ANKRD33B: variants seen among roughly 807,000 people sequenced by gnomAD.
The protein encoded by ANKRD33B is ankyrin repeat domain-containing protein 33B.
ANKRD33B carries 6 observed loss-of-function variants against 21.5 expected under a neutral mutation model. The ratio of observed to expected loss-of-function variants is 0.28; its 90% confidence interval spans 0.15 to 0.55. The LOEUF is 0.55. Ranked by LOEUF, ANKRD33B falls within the 20% of genes least tolerant of loss-of-function variation. The pLI is 0.94. For missense variants in ANKRD33B, 698 were observed against 747.2 expected, an observed-to-expected ratio of 0.93 and a Z score of 0.77; for synonymous variants, 347 against 342.4, an observed-to-expected ratio of 1.01 and a Z score of -0.15.
intron 1 of ANKRD33B, among the ~76,000 whole-genome samples, chr5:10,618,053 T>C (rs1252219455): frequency 6.6e-6 from 1 of 152,218 alleles, no homozygotes; most frequent in African/African-American, 2.4e-5. Flanking sequence ...GTTGGTGTGT[T>C]TCCCTCCCTG....
intron 1 of ANKRD33B, among the ~76,000 whole-genome samples, chr5:10,591,261 G>A (rs1208034333): frequency 7.1e-6 from 1 of 141,642 alleles, no homozygotes; most frequent in African/African-American, 2.6e-5. Context: ...GGCACCATGT[G>A]GGCTCCCTGC....
At chr5:10,637,540 C>A (rs988785252) in intron 2 of ANKRD33B, among the ~76,000 whole-genome samples, 2 of 151,118 alleles carry the variant, frequency 1.3e-5, no homozygotes, top group Non-Finnish European at 1.5e-5. Flanking sequence ...AGGGTGCCAG[C>A]GTGAATTGGC....
chr5:10,633,762 G>A (rs1341759029), intron 2 of ANKRD33B, among the ~76,000 whole-genome samples: 1 of 152,186 alleles, frequency 6.6e-6, no homozygotes, highest in African/African-American at 2.4e-5. Flanking sequence ...GTACATTGCA[G>A]AATGTTCCTT....
At chr5:10,621,471 A>C (rs1322882472) in intron 2 of ANKRD33B, among the ~76,000 whole-genome samples, 1 of 152,240 alleles carries the variant, frequency 6.6e-6, no homozygotes, top group Non-Finnish European at 1.5e-5. Flanking sequence ...TGTCGGCAAG[A>C]AACCTGGTTT....
chr5:10,593,215 A>G (rs917727324), intron 1 of ANKRD33B, among the ~76,000 whole-genome samples: 2 of 151,596 alleles, frequency 1.3e-5, no homozygotes, highest in Non-Finnish European at 2.9e-5. Context: ...TAGTTGAGTC[A>G]ACTGGCATAA....
intron 1 of ANKRD33B, among the ~76,000 whole-genome samples, chr5:10,592,458 A>AG (rs1735716757): frequency 1.4e-5 from 2 of 147,380 alleles, no homozygotes; most frequent in Non-Finnish European, 3.0e-5. Context: ...ACTAAAAAAA[A>AG]AAAAAAAAAA....
chr5:10,592,450 TAAAAAAAAAAAA>T (rs35660672), intron 1 of ANKRD33B, among the ~76,000 whole-genome samples: 1 of 69,114 alleles, frequency 1.4e-5, no homozygotes, highest in African/African-American at 6.2e-5. Context: ...CCATCTCTAC[TAAAAAAAAAAAA>T]AAAAAAAAAA....
At position 10,564,578 on chromosome 5, in the gene ANKRD33B, C is replaced by T. The variant is rs1735003124; in HGVS notation, c.111C>T (p.Tyr37=). Residue 37 remains tyrosine, a synonymous_variant, in exon 1 of 4, where the codon TAC becomes TAT. Coordinates refer to ENST00000296657, the MANE Select transcript of ANKRD33B (RefSeq NM_001164440.2). ...AGGTCGAGGAGGACCCCGCTGACTACGAAGAGTTTGAGGACTTCTCGAGTC... is the reference window on the plus strand; with the variant it reads ...AGGTCGAGGAGGACCCCGCTGACTATGAAGAGTTTGAGGACTTCTCGAGTC... ...GAQVEEDPAD[Y]EEFEDFSSLP... is the part of the protein sequence containing the mutation. The T allele has an allele frequency of 6.5e-7, 1 of 1,534,528 alleles. No individual in the cohort carries two copies. Among genetic ancestry groups the T allele is most frequent in the Non-Finnish European group, 8.7e-7 (1 of 1,146,554 alleles).
chr5:10,605,755 C>A (rs972082531), intron 1 of ANKRD33B, among the ~76,000 whole-genome samples: 3 of 152,152 alleles, frequency 2.0e-5, no homozygotes, highest in Admixed American at 6.5e-5. Flanking sequence ...TCTCGAACAT[C>A]TGACCTCAGG....
rs1412576435 is a variant in ANKRD33B, at chr5:10,652,389, C to A, written c.*2276C>A. The A allele has an allele frequency of 6.6e-6, 1 of 152,476 alleles. No homozygotes were observed. The highest frequency in any genetic ancestry group is 1.5e-5 in the Non-Finnish European group (1 of 68,140). 9.4% of individuals were successfully genotyped at this position (152,476 alleles called of 1,614,324 possible). On this transcript the variant is annotated 3_prime_UTR_variant, in exon 4 of 4. Coordinates refer to ENST00000296657, the MANE Select transcript of ANKRD33B (RefSeq NM_001164440.2). The surrounding 1 kb of genome is among the most constrained non-coding windows in gnomAD (Gnocchi z 4.1). ...GCGAGAGGACACCCATTCTGAGCTC[C>A]CACAGAGGGCTCCACCTCCCCAAGA...
At chr5:10,603,318 A>G (rs1225401379) in intron 1 of ANKRD33B, among the ~76,000 whole-genome samples, 1 of 151,976 alleles carries the variant, frequency 6.6e-6, no homozygotes, top group African/African-American at 2.4e-5. Context: ...GCTGGAGTGC[A>G]GTGGAGTGAT....
intron 1 of ANKRD33B, among the ~76,000 whole-genome samples, chr5:10,566,198 C>G (rs1300969943): frequency 6.6e-6 from 1 of 152,174 alleles, no homozygotes; most frequent in African/African-American, 2.4e-5. Flanking sequence ...GGCAGTGAGA[C>G]CTGAGGTGGC....
chr5:10,588,936 C>G (rs181856961), intron 1 of ANKRD33B, among the ~76,000 whole-genome samples: 1 of 152,290 alleles, frequency 6.6e-6, no homozygotes, highest in East Asian at 1.9e-4. Flanking sequence ...CATATGAATA[C>G]TGCCTCAGCG....
intron 1 of ANKRD33B, among the ~76,000 whole-genome samples, chr5:10,571,891 T>C (rs935511292): frequency 1.6e-5 from 1 of 60,738 alleles, no homozygotes; most frequent in African/African-American, 4.5e-5. Flanking sequence ...TTTTCTTTTT[T>C]CTTTTTTTTT....
intron 1 of ANKRD33B, among the ~76,000 whole-genome samples, chr5:10,616,223 G>C (rs1736279680): frequency 1.3e-5 from 2 of 152,166 alleles, no homozygotes; most frequent in Admixed American, 1.3e-4. Context: ...ATTGAGATAA[G>C]TGGGCAGGGC....
intron 1 of ANKRD33B, among the ~76,000 whole-genome samples, chr5:10,605,357 G>T (rs1736022942): frequency 6.6e-6 from 1 of 152,198 alleles, no homozygotes; most frequent in African/African-American, 2.4e-5. Context: ...CATCCAGGAG[G>T]CTGGCTACCA....
chr5:10,564,844 G>C lies in ANKRD33B; in HGVS notation c.366+11G>C. The C allele has an allele frequency of 6.7e-7, 1 of 1,486,346 alleles. No individual in the cohort carries two copies. Among genetic ancestry groups the C allele is most frequent in the African/African-American group, 1.4e-5 (1 of 72,052 alleles). 92.1% of individuals were successfully genotyped at this position (1,486,346 alleles called of 1,614,324 possible). ...GACCGCAACGGCAGGGTAAGCGGGC[G>C]TCCCCGCAGGATTTGAGCCCCCTCA... On this transcript the variant is annotated intron_variant, in intron 1 of 3. Transcript: ENST00000296657.
intron 1 of ANKRD33B, among the ~76,000 whole-genome samples, chr5:10,603,119 G>T (rs746054183): frequency 7.3e-5 from 11 of 151,518 alleles, no homozygotes; most frequent in Non-Finnish European, 1.2e-4. Flanking sequence ...CGGCCTGATG[G>T]TCTATTTATA....
rs148169823 is a variant in ANKRD33B, at chr5:10,583,398, T to C, written c.366+18565T>C. ...AAAAATAGGATAGGTCTCAGCACTG[T>C]GGACATTTTGGTTCTAATAATCCTT... is the stretch of plus-strand genomic sequence containing the variant. On this transcript the variant is annotated intron_variant, in intron 1 of 3. Coordinates refer to ENST00000296657, the MANE Select transcript of ANKRD33B (RefSeq NM_001164440.2). Among the ~76,000 whole-genome samples, 167 of 152,374 alleles carry C rather than the reference T, an allele frequency of 1.1e-3. 1 individual carries two copies. Among genetic ancestry groups the C allele is most frequent in the African/African-American group, 3.9e-3 (162 of 41,594 alleles).
Sources: allele counts gnomAD v4.1 joint callset (sites outside exome capture counted in the v4.1 genomes callset), GRCh38; gene constraint gnomAD v4.1.1; non-coding constraint Gnocchi (gnomAD v3.1); transcripts MANE v1.5; gene names NCBI Gene and HGNC (gene_info 2026-07-23, HGNC 2026-07-21).